Variants in TANGO6 observed in about 807,000 individuals in gnomAD.
The protein encoded by TANGO6 is transport and golgi organization 6 homolog.
Under a neutral mutation model 114.2 loss-of-function variants are expected in TANGO6, and 90 were observed. The observed-to-expected ratio is 0.79, with a 90% confidence interval of 0.66 to 0.94. The LOEUF (loss-of-function observed/expected upper bound fraction) is 0.94. TANGO6 is among the 40% of genes least tolerant of loss of function. The probability of loss-of-function intolerance (pLI) is 0.00; values close to 1 mark genes in which losing one functional copy is unlikely to be tolerated. For synonymous variants in TANGO6, 477 were observed against 509.8 expected (o/e 0.94, Z 0.87); for missense variants, 1,274 against 1,315.3 (o/e 0.97, Z 0.49).
chr16:69,069,923 T>C (rs1960270942), intron 17 of TANGO6, among the ~76,000 whole-genome samples: 1 of 151,516 alleles, frequency 6.6e-6, no homozygotes, highest in South Asian at 2.1e-4. Context: ...AATAAAGTAG[T>C]GGGCCAGGCA....
chr16:68,974,198 A>G, intron 15 of TANGO6, 30 bp downstream of exon 15: 1 of 1,613,472 alleles, frequency 6.2e-7, no homozygotes, highest in Non-Finnish European at 8.5e-7. Context: ...CCACCTGGAA[A>G]AGGGTGGAGG....
chr16:69,047,146 A>G (rs1261565373), intron 17 of TANGO6, among the ~76,000 whole-genome samples: 2 of 142,374 alleles, frequency 1.4e-5, no homozygotes, highest in Non-Finnish European at 3.0e-5. Context: ...GTGCAACTGC[A>G]CTCCAGCCTG....
intron 1 of TANGO6, among the ~76,000 whole-genome samples, chr16:68,848,130 G>C (rs1035940945): frequency 1.3e-5 from 2 of 151,548 alleles, no homozygotes; most frequent in Non-Finnish European, 2.9e-5. Context: ...GGGTCTCCCT[G>C]TGTTGCCCAG....
chr16:68,930,700 A>G (rs1207016214), intron 14 of TANGO6, among the ~76,000 whole-genome samples: 1 of 139,960 alleles, frequency 7.1e-6, no homozygotes, highest in African/African-American at 2.7e-5. Context: ...CGGTGGTGTG[A>G]TCTCAGCTCA....
intron 1 of TANGO6, 99 bp downstream of exon 1, chr16:68,843,810 C>A: frequency 8.5e-7 from 1 of 1,183,262 alleles, no homozygotes; most frequent in Non-Finnish European, 1.2e-6. Context: ...CCCCTTAGGC[C>A]CGCCTCGGGA....
At chr16:68,874,642 A>C (rs1962327663) in intron 4 of TANGO6, among the ~76,000 whole-genome samples, 1 of 152,136 alleles carries the variant, frequency 6.6e-6, no homozygotes, top group African/African-American at 2.4e-5. Flanking sequence ...AATTTCCCAG[A>C]AACTAGCATC....
chr16:69,065,454 A>G (rs753745155), intron 17 of TANGO6, among the ~76,000 whole-genome samples: 13 of 152,312 alleles, frequency 8.5e-5, no homozygotes, highest in Middle Eastern at 3.4e-3. Context: ...GCACTTGACC[A>G]GTTAAATATT....
chr16:68,987,186 A>C (rs575604469), intron 15 of TANGO6, among the ~76,000 whole-genome samples: 1 of 152,168 alleles, frequency 6.6e-6, no homozygotes, highest in Non-Finnish European at 1.5e-5. Context: ...ACAGCTCTGC[A>C]ATATAAATTC....
At chr16:68,918,694 G>A (rs1338394356) in intron 11 of TANGO6, among the ~76,000 whole-genome samples, 1 of 152,194 alleles carries the variant, frequency 6.6e-6, no homozygotes, top group African/African-American at 2.4e-5. Flanking sequence ...ATTTCACAAT[G>A]AGGATAATAG....
chr16:69,036,256 A>C (rs1393341412), intron 16 of TANGO6, among the ~76,000 whole-genome samples: 2 of 152,040 alleles, frequency 1.3e-5, no homozygotes, highest in African/African-American at 4.8e-5. Context: ...CATCCTCCCC[A>C]CTTCTAGTGT....
At chr16:69,079,575 TAA>T (rs11356267) in intron 17 of TANGO6, among the ~76,000 whole-genome samples, 7 of 150,810 alleles carry the variant, frequency 4.6e-5, no homozygotes, top group African/African-American at 1.2e-4. Flanking sequence ...ATAATGGACT[TAA>T]AAAAAAATGG....
intron 15 of TANGO6, among the ~76,000 whole-genome samples, chr16:68,975,880 G>A (rs1329531392): frequency 1.3e-5 from 2 of 151,692 alleles, no homozygotes; most frequent in African/African-American, 4.8e-5. Flanking sequence ...CTTAACCTTG[G>A]GTGCCTGAGT....
intron 15 of TANGO6, among the ~76,000 whole-genome samples, chr16:68,995,572 A>G (rs886711446): frequency 1.3e-5 from 2 of 152,154 alleles, no homozygotes; most frequent in African/African-American, 4.8e-5. Flanking sequence ...TCCACTTTTG[A>G]AAGTGGGAAA....
chr16:69,016,058 C>T (rs773574941), intron 15 of TANGO6, among the ~76,000 whole-genome samples: 1 of 152,106 alleles, frequency 6.6e-6, no homozygotes, highest in African/African-American at 2.4e-5. Flanking sequence ...TCAACTCCCC[C>T]GCTCCTTATT....
chr16:69,028,623 AC>A (rs2152230236), intron 16 of TANGO6, among the ~76,000 whole-genome samples: 1 of 152,164 alleles, frequency 6.6e-6, no homozygotes, highest in South Asian at 2.1e-4. Flanking sequence ...ACAGCGCGAG[AC>A]TTTGTCTCAA....
At chr16:68,909,581 G>A in intron 11 of TANGO6, 179 bp downstream of exon 11, 1 of 463,664 alleles carries the variant, frequency 2.2e-6, no homozygotes, top group East Asian at 3.6e-5. Flanking sequence ...ACGTTCCAGT[G>A]TCCTGAGACT....
chr16:69,076,281 G>A (rs1244590346), intron 17 of TANGO6, among the ~76,000 whole-genome samples: 3 of 151,004 alleles, frequency 2.0e-5, no homozygotes, highest in African/African-American at 7.3e-5. Context: ...TAGTAGAGAC[G>A]GGGTTTCACC....
At chr16:68,923,020 T>A (rs990475218) in intron 12 of TANGO6, among the ~76,000 whole-genome samples, 36 of 142,248 alleles carry the variant, frequency 2.5e-4, no homozygotes, top group African/African-American at 9.4e-4. Context: ...CGATCTCGGC[T>A]CACCGCAACC....
intron 12 of TANGO6, among the ~76,000 whole-genome samples, chr16:68,925,908 A>G (rs939135515): frequency 1.3e-5 from 2 of 150,684 alleles, no homozygotes; most frequent in Non-Finnish European, 3.0e-5. Context: ...AAAAAAAAAA[A>G]GAAAAAAGAA....
Sources: gnomAD v4.1 joint callset for allele counts (sites outside exome capture counted in the v4.1 genomes callset) on GRCh38, gnomAD v4.1.1 for gene constraint, MANE v1.5 for transcripts, NCBI Gene and HGNC (gene_info 2026-07-23, HGNC 2026-07-21) for gene names.